FBXO25: variants seen among roughly 807,000 people sequenced by gnomAD.
FBXO25 encodes the protein F-box protein 25, also known as F-box only protein 25.
Under a neutral mutation model 51.9 loss-of-function variants are expected in FBXO25, and 45 were observed. The observed-to-expected ratio is 0.87, with a 90% CI of 0.68 to 1.11. FBXO25 has a LOEUF of 1.11. FBXO25 is among the 50% of genes most tolerant of loss of function. FBXO25 has a pLI of 0.00. For synonymous variants in FBXO25, 199 were observed against 151.0 expected, an observed-to-expected ratio of 1.32 and a Z score of -2.33; for missense variants, 507 against 428.5, an observed-to-expected ratio of 1.18 and a Z score of -1.62.
intron 8 of FBXO25, among the ~76,000 whole-genome samples, chr8:458,883 G>T (rs1275189025): frequency 6.6e-6 from 1 of 152,188 alleles, no homozygotes; most frequent in Non-Finnish European, 1.5e-5. Context: ...TCAGATTCCA[G>T]TTCTTTTGAC....
intron 8 of FBXO25, among the ~76,000 whole-genome samples, chr8:461,927 A>G (rs1445319289): frequency 1.3e-5 from 2 of 152,204 alleles, no homozygotes; most frequent in East Asian, 1.9e-4. Context: ...GTTTGATAAA[A>G]GTTTGTGGCT....
chr8:459,791 C>G (rs1032208987), intron 8 of FBXO25, among the ~76,000 whole-genome samples: 19 of 152,116 alleles, frequency 1.2e-4, no homozygotes, highest in African/African-American at 4.3e-4. Context: ...CCTCAGGGCA[C>G]CAACCCCAAT....
In FBXO25 at chr8:474,932, T is replaced by A; in HGVS notation, c.*6128T>A. 2.2e-6 allele frequency: 1 copy of A among 453,376 alleles called. No individual in the cohort carries two copies. 28.1% of individuals were successfully genotyped at this position (453,376 alleles called of 1,614,324 possible). A position where few individuals can be genotyped will look rare whatever the true frequency, so the allele number is the denominator to read the frequency against. Reference sequence around the variant, plus strand: ...TATCATTTTAAAATACTTTGTCCCATTCCGTGGATTGCCTTTCACTCTGTT... The same window carrying A: ...TATCATTTTAAAATACTTTGTCCCAATCCGTGGATTGCCTTTCACTCTGTT... On this transcript the variant is annotated 3_prime_UTR_variant, in exon 10 of 10. Transcript: ENST00000350302.
intron 9 of FBXO25, among the ~76,000 whole-genome samples, chr8:464,338 T>TG (rs11408277): frequency 0.25 from 37,975 of 152,144 alleles, 5,638 homozygotes; most frequent in African/African-American, 0.42. Context: ...TGAACATGTT[T>TG]ATGTTGTGAG....
intron 5 of FBXO25, among the ~76,000 whole-genome samples, chr8:440,694 C>T (rs6996501): frequency 7.6e-3 from 1,120 of 148,312 alleles, no homozygotes; most frequent in African/African-American, 0.024. Context: ...CCCATCAACC[C>T]GTCATCTACA....
intron 5 of FBXO25, among the ~76,000 whole-genome samples, chr8:441,207 C>G: frequency 6.6e-6 from 1 of 152,076 alleles, no homozygotes; most frequent in East Asian, 1.9e-4. Context: ...TCAGAAATAA[C>G]GCCACACGTC....
At chr8:445,651 G>C (rs1223833218) in intron 5 of FBXO25, among the ~76,000 whole-genome samples, 3 of 152,198 alleles carry the variant, frequency 2.0e-5, no homozygotes, top group African/African-American at 7.2e-5. Flanking sequence ...TCAGGAGTTT[G>C]AGACCAGCCT....
rs1288324065 is a variant in FBXO25 at position 471,641 on chromosome 8, T to C, written c.*2837T>C. The C allele has an allele frequency of 6.6e-6, 1 of 152,230 alleles. No homozygotes were observed. The highest frequency in any genetic ancestry group is 2.4e-5 in the African/African-American group (1 of 41,450). 9.4% of individuals were successfully genotyped at this position (152,230 alleles called of 1,614,324 possible). The stretch of plus-strand genomic sequence containing the variant: ...CGGACCTGTTCTCAGTCTGCGCTGC[T>C]CACTCAGGGCTGGTGTCTCTTGACA... On this transcript the variant is annotated 3_prime_UTR_variant, in exon 10 of 10. Transcript: ENST00000350302.
At chr8:445,671 G>A (rs1468869112) in intron 5 of FBXO25, among the ~76,000 whole-genome samples, 3 of 152,188 alleles carry the variant, frequency 2.0e-5, no homozygotes, top group African/African-American at 7.2e-5. Context: ...TGGCCAACAT[G>A]GTGAAACCTG....
chr8:443,256 G>T (rs953177360), intron 5 of FBXO25, among the ~76,000 whole-genome samples: 16 of 150,696 alleles, frequency 1.1e-4, no homozygotes, highest in Non-Finnish European at 2.2e-4. Context: ...TGTCCTCCAG[G>T]CAAGTATCCG....
At chr8:412,460 C>A (rs1001966724) in intron 1 of FBXO25, among the ~76,000 whole-genome samples, 13 of 152,212 alleles carry the variant, frequency 8.5e-5, no homozygotes, top group African/African-American at 3.1e-4. Context: ...CTACTTTCCT[C>A]CAGGTGACCC....
intron 2 of FBXO25, 102 bp downstream of exon 2, chr8:413,315 C>A: frequency 9.6e-6 from 13 of 1,360,960 alleles, no homozygotes; most frequent in African/African-American, 1.5e-5. Context: ...TTGAGACTTG[C>A]CCACCCAGAA....
intron 2 of FBXO25, among the ~76,000 whole-genome samples, chr8:420,764 G>A (rs1022992030): frequency 6.6e-6 from 1 of 152,230 alleles, no homozygotes; most frequent in Non-Finnish European, 1.5e-5. Context: ...ATCAGTGGTT[G>A]CCAGGGGTTA....
intron 2 of FBXO25, among the ~76,000 whole-genome samples, chr8:420,212 T>C (rs1411897445): frequency 6.6e-6 from 1 of 152,182 alleles, no homozygotes; most frequent in African/African-American, 2.4e-5. Context: ...TGGAAGGCTG[T>C]GCACCTTCCT....
intron 2 of FBXO25, among the ~76,000 whole-genome samples, chr8:430,140 G>T (rs1179386506): frequency 6.6e-6 from 1 of 152,174 alleles, no homozygotes; most frequent in Non-Finnish European, 1.5e-5. Flanking sequence ...AGTATTTCTG[G>T]AGAACATTGT....
At chr8:466,455 G>A (rs557683198) in intron 9 of FBXO25, among the ~76,000 whole-genome samples, 1 of 152,322 alleles carries the variant, frequency 6.6e-6, no homozygotes, top group East Asian at 1.9e-4. Flanking sequence ...GGCACTTAGG[G>A]TTAGGGTCAC....
At chr8:426,901 A>G (rs376002074) in intron 2 of FBXO25, among the ~76,000 whole-genome samples, 185 of 151,358 alleles carry the variant, frequency 1.2e-3, no homozygotes, top group East Asian at 6.8e-3. Context: ...CGTGTTAGAT[A>G]TTTAGGAAGG....
intron 1 of FBXO25, among the ~76,000 whole-genome samples, chr8:410,398 G>C (rs918807373): frequency 3.3e-5 from 5 of 151,576 alleles, no homozygotes; most frequent in African/African-American, 1.2e-4. Flanking sequence ...TATTTGGTCT[G>C]TTAGCAATAT....
rs1292509462 is a variant in FBXO25 at position 471,314 on chromosome 8, GACAA to G, written c.*2511_*2514del. The G allele has an allele frequency of 6.6e-6, 1 of 152,222 alleles. No individual in the cohort carries two copies. The highest frequency in any genetic ancestry group is 1.5e-5 in the Non-Finnish European group (1 of 68,056). The allele number at this position is 152,222 out of a possible 1,614,324, so 9.4% of individuals were successfully genotyped here. A position where few individuals can be genotyped will look rare whatever the true frequency, so the allele number is the denominator to read the frequency against. ...ATGGAGGGTATAAGGACAGAATAAAGACAATTTTGAGGCACTGATCAGTTATTTA... is the reference window on the plus strand; with the variant it reads ...ATGGAGGGTATAAGGACAGAATAAAGTTTTGAGGCACTGATCAGTTATTTA... On this transcript the variant is annotated 3_prime_UTR_variant, in exon 10 of 10. Coordinates refer to ENST00000350302, the MANE Select transcript of FBXO25 (RefSeq NM_183420.2).
Sources: gnomAD v4.1 joint callset for allele counts (sites outside exome capture counted in the v4.1 genomes callset) on GRCh38, gnomAD v4.1.1 for gene constraint, MANE v1.5 for transcripts, NCBI Gene and HGNC (gene_info 2026-07-23, HGNC 2026-07-21) for gene names.